The following ELOVL5 variants were observed in gnomAD, a reference collection of about 807,000 sequenced individuals.
ELOVL5 encodes very long chain fatty acid elongase 5.
A neutral mutation model predicts 38.6 loss-of-function variants in ELOVL5; 8 were observed. The observed-to-expected ratio is 0.21, with a 90% CI of 0.12 to 0.37. ELOVL5 has a LOEUF of 0.37. ELOVL5 is among the 10% of genes least tolerant of loss of function. The pLI, the probability that ELOVL5 is intolerant of heterozygous loss-of-function variation, is 1.00. For synonymous variants in ELOVL5, 127 were observed against 133.7 expected, an observed-to-expected ratio of 0.95 and a Z score of 0.34; for missense variants, 280 against 367.8, an observed-to-expected ratio of 0.76 and a Z score of 1.95.
chr6:53,324,036 T>C (rs1429876050), intron 1 of ELOVL5, among the ~76,000 whole-genome samples: 2 of 152,012 alleles, frequency 1.3e-5, no homozygotes, highest in African/African-American at 4.8e-5. Flanking sequence ...GCTGATCAAT[T>C]GAGGTCAGGA....
intron 1 of ELOVL5, among the ~76,000 whole-genome samples, chr6:53,310,051 G>A (rs951384414): frequency 6.6e-6 from 1 of 152,212 alleles, no homozygotes; most frequent in African/African-American, 2.4e-5. Context: ...GGGGCTGGAA[G>A]AAGAGGTTCT....
intron 3 of ELOVL5, among the ~76,000 whole-genome samples, chr6:53,280,965 T>C (rs1766328992): frequency 6.6e-6 from 1 of 152,154 alleles, no homozygotes; most frequent in Non-Finnish European, 1.5e-5. Flanking sequence ...AAACAACTTG[T>C]AACCTTTAGC....
intron 1 of ELOVL5, among the ~76,000 whole-genome samples, chr6:53,336,194 TAGGGTC>T (rs1211914987): frequency 6.6e-6 from 1 of 152,220 alleles, no homozygotes; most frequent in Non-Finnish European, 1.5e-5. Context: ...TTGTCACGTG[TAGGGTC>T]CACATTCCTT....
chr6:53,274,023 G>C (rs1244199487), intron 5 of ELOVL5, among the ~76,000 whole-genome samples: 1 of 152,198 alleles, frequency 6.6e-6, no homozygotes, highest in African/African-American at 2.4e-5. Flanking sequence ...CCTGGTGTTA[G>C]GGAAGTTTCT....
chr6:53,286,633 T>C (rs893940620), intron 3 of ELOVL5, among the ~76,000 whole-genome samples: 2 of 152,172 alleles, frequency 1.3e-5, no homozygotes, highest in African/African-American at 4.8e-5. Context: ...TATAAAATGG[T>C]GTAATAAATT....
chr6:53,315,713 A>G (rs1768002688), intron 1 of ELOVL5, among the ~76,000 whole-genome samples: 1 of 146,542 alleles, frequency 6.8e-6, no homozygotes, highest in Admixed American at 6.8e-5. Context: ...AAAATGACAG[A>G]GAGTTTGGAT....
chr6:53,269,071 C>T lies in ELOVL5; in HGVS notation c.*56G>A. 6.3e-7 allele frequency: 1 copy of T among 1,589,860 alleles called. No homozygotes were observed. Among genetic ancestry groups the T allele is most frequent in the Non-Finnish European group, 8.6e-7 (1 of 1,165,306 alleles). ...GCTGTTAACGAGCATTGGGGCACAA[C>T]TCATATTGTGCTTACAATCAGATGA... On this transcript the variant is annotated 3_prime_UTR_variant, in exon 8 of 8. Coordinates refer to ENST00000304434, the MANE Select transcript of ELOVL5 (RefSeq NM_021814.5).
At chr6:53,338,574 A>C (rs1769183173) in intron 1 of ELOVL5, among the ~76,000 whole-genome samples, 1 of 151,762 alleles carries the variant, frequency 6.6e-6, no homozygotes, top group African/African-American at 2.4e-5. Flanking sequence ...TCAATGGCCA[A>C]GGTAGGTAAC....
chr6:53,333,375 G>A (rs1320826449), intron 1 of ELOVL5, among the ~76,000 whole-genome samples: 1 of 152,156 alleles, frequency 6.6e-6, no homozygotes, highest in East Asian at 1.9e-4. Flanking sequence ...CAGGTAGACT[G>A]TCTCATTAGA....
At chr6:53,284,328 G>GA (rs1561867193) in intron 3 of ELOVL5, among the ~76,000 whole-genome samples, 4 of 144,448 alleles carry the variant, frequency 2.8e-5, no homozygotes, top group African/African-American at 1.0e-4. Flanking sequence ...AAAAAAGGTA[G>GA]AAATAACTCC....
chr6:53,311,992 C>T (rs891953837), intron 1 of ELOVL5, among the ~76,000 whole-genome samples: 15 of 152,120 alleles, frequency 9.9e-5, no homozygotes, highest in African/African-American at 3.6e-4. Context: ...TAAGGAAATA[C>T]AAGCAGATGT....
At chr6:53,293,935 G>A (rs988283192) in intron 2 of ELOVL5, among the ~76,000 whole-genome samples, 1 of 152,152 alleles carries the variant, frequency 6.6e-6, no homozygotes, top group Non-Finnish European at 1.5e-5. Flanking sequence ...TGGCCCCAGG[G>A]ACTTTAAGGG....
rs1225612832 is a variant in ELOVL5 at position 53,319,164 on chromosome 6, G to A, written c.-8-23457C>T. Among the ~76,000 whole-genome samples, 5 of 151,526 alleles carry A rather than the reference G, an allele frequency of 3.3e-5. 1 individual carries two copies. The highest frequency in any genetic ancestry group is 7.3e-5 in the African/African-American group (3 of 41,322). ...CGGGCGCCTGTAGTCCCAGCTACTC[G>A]GGAGGCTGAGGCAGGAGAATGGCGT... On this transcript the variant is annotated intron_variant, in intron 1 of 7. Transcript: ENST00000304434.
chr6:53,328,461 C>T (rs1424719063), intron 1 of ELOVL5, among the ~76,000 whole-genome samples: 1 of 152,100 alleles, frequency 6.6e-6, no homozygotes, highest in Non-Finnish European at 1.5e-5. Context: ...TTACAGTCCC[C>T]AAAGTAGAGC....
At chr6:53,271,042 G>T (rs1045420928) in intron 6 of ELOVL5, among the ~76,000 whole-genome samples, 1 of 152,192 alleles carries the variant, frequency 6.6e-6, no homozygotes, top group African/African-American at 2.4e-5. Context: ...AAGTGTGTAT[G>T]TTGAAAGGGC....
intron 1 of ELOVL5, among the ~76,000 whole-genome samples, chr6:53,306,388 G>C (rs1259588758): frequency 1.9e-5 from 1 of 53,348 alleles, no homozygotes; most frequent in Non-Finnish European, 3.4e-5. Flanking sequence ...AGGGGAGAGA[G>C]AGAGGGGAGA....
chr6:53,296,234 C>A (rs140757323), intron 1 of ELOVL5, among the ~76,000 whole-genome samples: 15 of 152,192 alleles, frequency 9.9e-5, no homozygotes, highest in African/African-American at 3.4e-4. Flanking sequence ...GGGCAAAAAT[C>A]TCATTACTTC....
intron 1 of ELOVL5, among the ~76,000 whole-genome samples, chr6:53,336,684 A>T (rs1346205202): frequency 1.3e-5 from 2 of 152,224 alleles, no homozygotes; most frequent in East Asian, 3.9e-4. Flanking sequence ...TTTATTATGG[A>T]GTATTTGAGT....
intron 1 of ELOVL5, among the ~76,000 whole-genome samples, chr6:53,312,144 A>T (rs538214296): frequency 6.6e-6 from 1 of 152,218 alleles, no homozygotes; most frequent in East Asian, 1.9e-4. Flanking sequence ...TACAGAAATT[A>T]TAGTATAGGA....
Sources: gnomAD v4.1 joint callset for allele counts (sites outside exome capture counted in the v4.1 genomes callset) on GRCh38, gnomAD v4.1.1 for gene constraint, MANE v1.5 for transcripts, NCBI Gene and HGNC (gene_info 2026-07-23, HGNC 2026-07-21) for gene names.